Variants in PCDH9 observed in about 807,000 individuals in gnomAD.
PCDH9 encodes the protein protocadherin-9.
In PCDH9, 24 loss-of-function variants were observed where a neutral mutation model predicts 70.6. The observed-to-expected ratio is 0.34, with a 90% CI of 0.25 to 0.48. The LOEUF (loss-of-function observed/expected upper bound fraction) is 0.48. Ranked by LOEUF, PCDH9 falls within the 20% of genes least tolerant of loss-of-function variation. The pLI, the probability that PCDH9 is intolerant of heterozygous loss-of-function variation, is 0.99. For synonymous variants in PCDH9, 562 were observed against 558.5 expected (o/e 1.01, Z -0.09); for missense variants, 1,281 against 1,503.6 (o/e 0.85, Z 2.45).
At chr13:67,111,410 A>G (rs2086656350) in intron 2 of PCDH9, among the ~76,000 whole-genome samples, 1 of 152,168 alleles carries the variant, frequency 6.6e-6, no homozygotes, top group Non-Finnish European at 1.5e-5. Flanking sequence ...TGCTTTCAGG[A>G]TAGGTGAGCA....
chr13:66,508,717 G>C (rs894041973), intron 4 of PCDH9, among the ~76,000 whole-genome samples: 7 of 152,140 alleles, frequency 4.6e-5, no homozygotes, highest in Non-Finnish European at 7.3e-5. Flanking sequence ...CAGTTTAATG[G>C]ATGATTCATT....
chr13:66,700,546 A>G (rs1005925690), intron 3 of PCDH9, among the ~76,000 whole-genome samples: 16 of 152,160 alleles, frequency 1.1e-4, no homozygotes, highest in African/African-American at 2.4e-4. Flanking sequence ...GACCACAAGA[A>G]TTCTCTGTGA....
intron 3 of PCDH9, among the ~76,000 whole-genome samples, chr13:66,886,887 A>G (rs1205599760): frequency 6.6e-6 from 1 of 152,080 alleles, no homozygotes; most frequent in Non-Finnish European, 1.5e-5. Flanking sequence ...GCACTCTGAG[A>G]TACATATACT....
intron 3 of PCDH9, among the ~76,000 whole-genome samples, chr13:66,694,268 T>A (rs1033325326): frequency 6.6e-6 from 1 of 152,208 alleles, no homozygotes; most frequent in African/African-American, 2.4e-5. Flanking sequence ...TAATAGTGGC[T>A]GTGCACAGCA....
intron 2 of PCDH9, among the ~76,000 whole-genome samples, chr13:66,975,303 T>C (rs1009193037): frequency 6.6e-6 from 1 of 152,064 alleles, no homozygotes; most frequent in Non-Finnish European, 1.5e-5. Flanking sequence ...GGAAGGAAGA[T>C]ACAATCCATT....
At chr13:66,778,155 A>G (rs964742403) in intron 3 of PCDH9, among the ~76,000 whole-genome samples, 1 of 145,872 alleles carries the variant, frequency 6.9e-6, no homozygotes, top group African/African-American at 2.5e-5. Flanking sequence ...GGGGGGAGGT[A>G]TAGCTTTAGG....
chr13:66,304,433 C>G lies in PCDH9; in HGVS notation c.*222G>C. On this transcript the variant is annotated 3_prime_UTR_variant, in exon 5 of 5. Transcript: ENST00000377865. ...AAAAAAATTTGCACAATGGAGAGAT[C>G]TCTGGAGAGTGTAATCAATTCTAGT... 1 of 509,044 alleles carries G rather than the reference C, an allele frequency of 2.0e-6. No individual in the cohort carries two copies. The highest frequency in any genetic ancestry group is 3.4e-5 in the South Asian group (1 of 29,546). 31.5% of individuals were successfully genotyped at this position (509,044 alleles called of 1,614,324 possible).
chr13:66,543,908 C>A (rs562384762), intron 4 of PCDH9, among the ~76,000 whole-genome samples: 1 of 152,256 alleles, frequency 6.6e-6, no homozygotes, highest in South Asian at 2.1e-4. Context: ...GGGGACACAG[C>A]CAACTTCCAT....
intron 2 of PCDH9, among the ~76,000 whole-genome samples, chr13:67,192,060 T>C (rs2088930835): frequency 6.6e-6 from 1 of 151,966 alleles, no homozygotes; most frequent in African/African-American, 2.4e-5. Flanking sequence ...ATTTTAAAAA[T>C]TGGGGTAAAT....
chr13:66,418,164 A>C (rs1339711689), intron 4 of PCDH9, among the ~76,000 whole-genome samples: 1 of 152,168 alleles, frequency 6.6e-6, no homozygotes, highest in African/African-American at 2.4e-5. Flanking sequence ...TTTTTAATCC[A>C]TGTTGAGTTA....
chr13:66,560,769 C>A (rs1354054956), intron 4 of PCDH9, among the ~76,000 whole-genome samples: 5 of 152,208 alleles, frequency 3.3e-5, no homozygotes, highest in Admixed American at 3.3e-4. Flanking sequence ...TGATTTCAGG[C>A]CTCCTTATCT....
intron 4 of PCDH9, among the ~76,000 whole-genome samples, chr13:66,455,054 C>T (rs1221644307): frequency 6.6e-6 from 1 of 152,072 alleles, no homozygotes; most frequent in East Asian, 1.9e-4. Flanking sequence ...TGCCAGTTTT[C>T]CTTTCATATA....
chr13:66,803,250 T>C (rs2080354926), intron 3 of PCDH9, among the ~76,000 whole-genome samples: 1 of 152,156 alleles, frequency 6.6e-6, no homozygotes, highest in Non-Finnish European at 1.5e-5. Context: ...TCTATAAACA[T>C]GCAATTCCAA....
At chr13:66,530,972 G>A (rs908490937) in intron 4 of PCDH9, among the ~76,000 whole-genome samples, 1 of 151,754 alleles carries the variant, frequency 6.6e-6, no homozygotes, top group Admixed American at 6.6e-5. Flanking sequence ...GGGAGTCTGT[G>A]TTTTGTTTTG....
At chr13:67,148,906 A>G (rs1399847269) in intron 2 of PCDH9, among the ~76,000 whole-genome samples, 2 of 152,216 alleles carry the variant, frequency 1.3e-5, no homozygotes, top group African/African-American at 4.8e-5. Flanking sequence ...CCTATGATGG[A>G]AAACTATTAT....
chr13:66,803,544 T>C (rs1174515857), intron 3 of PCDH9, among the ~76,000 whole-genome samples: 5 of 152,150 alleles, frequency 3.3e-5, no homozygotes, highest in Admixed American at 2.0e-4. Context: ...AGCAACACTA[T>C]GAAATCACAA....
At chr13:66,793,960 A>G (rs1283069420) in intron 3 of PCDH9, among the ~76,000 whole-genome samples, 1 of 152,124 alleles carries the variant, frequency 6.6e-6, no homozygotes, top group East Asian at 1.9e-4. Context: ...GGCCACATGA[A>G]TCTCTAAACC....
At chr13:66,993,590 T>G (rs575207298) in intron 2 of PCDH9, among the ~76,000 whole-genome samples, 23 of 152,282 alleles carry the variant, frequency 1.5e-4, no homozygotes, top group Non-Finnish European at 2.8e-4. Flanking sequence ...ATCATACCAT[T>G]TACTATTTAC....
rs547913742 is a variant in PCDH9, at chr13:66,527,739, C to T, written c.3340+103471G>A. Reference sequence around the variant, plus strand: ...CATTTATTAAAGATAAATTATCAGCCGGGCACAGTGGCTTACGTCTGTAAT... The same window carrying T: ...CATTTATTAAAGATAAATTATCAGCTGGGCACAGTGGCTTACGTCTGTAAT... On this transcript the variant is annotated intron_variant, in intron 4 of 4. Transcript: ENST00000377865. Among the ~76,000 whole-genome samples, 5 of 152,116 alleles carry T rather than the reference C, an allele frequency of 3.3e-5. 1 individual carries two copies. The South Asian group carries it at 6.3e-4, about 19-fold the overall frequency.
Sources: allele counts gnomAD v4.1 joint callset (sites outside exome capture counted in the v4.1 genomes callset), GRCh38; gene constraint gnomAD v4.1.1; transcripts MANE v1.5; gene names NCBI Gene and HGNC (gene_info 2026-07-23, HGNC 2026-07-21).